The following EPB41L4A variants were observed in gnomAD, a reference collection of about 807,000 sequenced individuals.
The protein encoded by EPB41L4A is erythrocyte membrane protein band 4.1 like 4A.
Under a neutral mutation model 108.6 loss-of-function variants are expected in EPB41L4A, and 100 were observed. The ratio of observed to expected loss-of-function variants is 0.92; its 90% CI spans 0.78 to 1.09. The LOEUF is 1.09. Among genes scored for constraint, EPB41L4A ranks in the 50% least tolerant of loss-of-function variants. The pLI, the probability that EPB41L4A is intolerant of heterozygous loss-of-function variation, is 0.00. For synonymous variants in EPB41L4A, 319 were observed against 289.0 expected (o/e 1.10, Z -1.05); for missense variants, 1,030 against 842.7 (o/e 1.22, Z -2.75).
rs956954391 is a variant in EPB41L4A at position 112,205,357 on chromosome 5, A to T, written c.1262+64T>A. 33 of 1,349,798 alleles carry T rather than the reference A, an allele frequency of 2.4e-5. 1 individual carries two copies. The Admixed American group carries it at 2.9e-4, about 12-fold the overall frequency. 83.6% of individuals were successfully genotyped at this position (1,349,798 alleles called of 1,614,324 possible). On this transcript the variant is annotated intron_variant, in intron 14 of 22. Transcript: ENST00000261486. ...ACCCAGCAGCTGGATTCCTTTATTCAATGAGCTGCATGTACTAACCCCTTT... is the reference window on the plus strand; with the variant it reads ...ACCCAGCAGCTGGATTCCTTTATTCTATGAGCTGCATGTACTAACCCCTTT...
At chr5:112,411,643 C>T (rs1336883914) in intron 1 of EPB41L4A, among the ~76,000 whole-genome samples, 1 of 151,000 alleles carries the variant, frequency 6.6e-6, no homozygotes, top group Non-Finnish European at 1.5e-5. Context: ...AAAAAAATCA[C>T]TTGTCCAATC....
intron 12 of EPB41L4A, among the ~76,000 whole-genome samples, chr5:112,152,281 T>A (rs1759499665): frequency 6.6e-6 from 1 of 152,022 alleles, no homozygotes; most frequent in South Asian, 2.1e-4. Context: ...AATATTTACA[T>A]TAAATAAAAG....
chr5:112,172,923 GC>G (rs890880625), intron 18 of EPB41L4A, among the ~76,000 whole-genome samples: 7 of 152,186 alleles, frequency 4.6e-5, no homozygotes, highest in Admixed American at 6.5e-5. Context: ...GCTGCAGGAG[GC>G]TGTCCTGTGC....
chr5:112,395,815 A>G (rs1761293290), intron 1 of EPB41L4A, among the ~76,000 whole-genome samples: 1 of 152,230 alleles, frequency 6.6e-6, no homozygotes, highest in African/African-American at 2.4e-5. Context: ...TTGTGGCACT[A>G]TTCACAATAG....
chr5:112,329,806 C>G (rs970907666), intron 1 of EPB41L4A, among the ~76,000 whole-genome samples: 4 of 151,924 alleles, frequency 2.6e-5, no homozygotes, highest in African/African-American at 7.2e-5. Flanking sequence ...GCACCCCACC[C>G]CCTCTTCAGT....
chr5:112,190,409 T>A (rs937082854), intron 17 of EPB41L4A, among the ~76,000 whole-genome samples: 2 of 152,132 alleles, frequency 1.3e-5, no homozygotes, highest in Non-Finnish European at 1.5e-5. Flanking sequence ...CAATTTTACA[T>A]ACAATTTCAT....
chr5:112,278,396 C>A (rs1299559439), intron 3 of EPB41L4A, among the ~76,000 whole-genome samples: 2 of 151,958 alleles, frequency 1.3e-5, no homozygotes, highest in African/African-American at 2.4e-5. Flanking sequence ...GGATTACAGG[C>A]ACTCGCCACC....
At chr5:112,182,037 T>G (rs1561455343) in intron 18 of EPB41L4A, among the ~76,000 whole-genome samples, 1 of 150,734 alleles carries the variant, frequency 6.6e-6, no homozygotes, top group South Asian at 2.1e-4. Context: ...TGGGCCACTG[T>G]ACTCCAGCCT....
intron 2 of EPB41L4A, among the ~76,000 whole-genome samples, chr5:112,300,553 A>T (rs558636371): frequency 6.6e-6 from 1 of 152,148 alleles, no homozygotes; most frequent in Non-Finnish European, 1.5e-5. Flanking sequence ...TAGATTACCT[A>T]ATGCTTTTGC....
chr5:112,298,456 T>C (rs1353854623), intron 2 of EPB41L4A, among the ~76,000 whole-genome samples: 2 of 152,214 alleles, frequency 1.3e-5, no homozygotes, highest in Non-Finnish European at 2.9e-5. Context: ...GTGATTTTTG[T>C]TTTTAATTCT....
chr5:112,309,553 G>A (rs532346930), intron 1 of EPB41L4A, among the ~76,000 whole-genome samples: 4 of 152,090 alleles, frequency 2.6e-5, no homozygotes, highest in Non-Finnish European at 4.4e-5. Context: ...TTTGATGTGG[G>A]TCTTACAAAA....
At chr5:112,197,485 G>A (rs1293164592) in intron 15 of EPB41L4A, among the ~76,000 whole-genome samples, 1 of 152,156 alleles carries the variant, frequency 6.6e-6, no homozygotes, top group Non-Finnish European at 1.5e-5. Flanking sequence ...GGTCACAGAC[G>A]ATCTAAATAG....
chr5:112,208,042 T>C (rs1301317942), intron 13 of EPB41L4A, among the ~76,000 whole-genome samples: 1 of 152,062 alleles, frequency 6.6e-6, no homozygotes, highest in East Asian at 1.9e-4. Context: ...GGTCAAGAGA[T>C]GCAGACCATC....
intron 1 of EPB41L4A, among the ~76,000 whole-genome samples, chr5:112,409,989 C>T (rs1478560504): frequency 6.6e-6 from 1 of 152,156 alleles, no homozygotes; most frequent in Admixed American, 6.5e-5. Flanking sequence ...CAGGAAAGTA[C>T]AAAAACTACT....
At chr5:112,174,431 T>A (rs1411982208) in intron 18 of EPB41L4A, among the ~76,000 whole-genome samples, 1 of 152,222 alleles carries the variant, frequency 6.6e-6, no homozygotes, top group African/African-American at 2.4e-5. Flanking sequence ...TGTCCATAGG[T>A]ACGACATATA....
intron 14 of EPB41L4A, 62 bp downstream of exon 14, chr5:112,205,359 T>G: frequency 1.4e-4 from 188 of 1,352,518 alleles, no homozygotes; most frequent in Non-Finnish European, 1.8e-4. Flanking sequence ...CTTTATTCAA[T>G]GAGCTGCATG....
intron 1 of EPB41L4A, among the ~76,000 whole-genome samples, chr5:112,402,775 G>A (rs1761849369): frequency 6.6e-6 from 1 of 152,036 alleles, no homozygotes; most frequent in Admixed American, 6.6e-5. Flanking sequence ...TTTTGGTAAA[G>A]CAAGGCACAT....
At chr5:112,271,313 T>C (rs1194769182) in intron 4 of EPB41L4A, among the ~76,000 whole-genome samples, 1 of 152,246 alleles carries the variant, frequency 6.6e-6, no homozygotes, top group Non-Finnish European at 1.5e-5. Flanking sequence ...AATGTTTTAA[T>C]CAATAATTTG....
At chr5:112,365,493 T>C (rs539508737) in intron 1 of EPB41L4A, among the ~76,000 whole-genome samples, 1 of 152,324 alleles carries the variant, frequency 6.6e-6, no homozygotes, top group Non-Finnish European at 1.5e-5. Context: ...TTAAATCAAC[T>C]TTGTTTTAGA....
Sources: gnomAD v4.1 joint callset for allele counts (sites outside exome capture counted in the v4.1 genomes callset) on GRCh38, gnomAD v4.1.1 for gene constraint, MANE v1.5 for transcripts, NCBI Gene and HGNC (gene_info 2026-07-23, HGNC 2026-07-21) for gene names.